TET2: variants seen among roughly 807,000 people sequenced by gnomAD.
TET2 encodes tet methylcytosine dioxygenase 2.
A neutral mutation model predicts 142.9 loss-of-function variants in TET2; 299 were observed. The observed-to-expected ratio is 2.09, with a 90% CI of 1.90 to 2.30. TET2 has a LOEUF of 2.30. Among genes scored for constraint, TET2 ranks in the 30% most tolerant of loss-of-function variants. The pLI, the probability that TET2 is intolerant of heterozygous loss-of-function variation, is 0.00. For missense variants in TET2, 2,418 were observed against 2,378.0 expected, an observed-to-expected ratio of 1.02 and a Z score of -0.35; for synonymous variants, 819 against 849.0, an observed-to-expected ratio of 0.96 and a Z score of 0.61.
chr4:105,258,460 G>A (rs1477353638), intron 6 of TET2, among the ~76,000 whole-genome samples: 1 of 152,112 alleles, frequency 6.6e-6, no homozygotes, highest in Non-Finnish European at 1.5e-5. Flanking sequence ...AAATTTCAGA[G>A]ATTTTGATGG....
rs192157044 is a variant in TET2 at position 105,173,918 on chromosome 4, A to G, written c.-192-16442A>G. Among the ~76,000 whole-genome samples, 21 of 152,316 alleles carry G rather than the reference A, an allele frequency of 1.4e-4. No individual in the cohort carries two copies. In the South Asian group the frequency reaches 1.7e-3, roughly 12 times the overall value. On this transcript the variant is annotated intron_variant, in intron 1 of 10. Transcript: ENST00000380013. ...ATAAAATATTGACTTAGGTAGATAT[A>G]TGTGAGGAAATATATATTTTACCCA...
intron 2 of TET2, 131 bp downstream of exon 2, chr4:105,190,636 T>G (rs1395620335): frequency 5.1e-6 from 3 of 589,222 alleles, no homozygotes; most frequent in Non-Finnish European, 9.0e-6. Context: ...TTATTGTCTA[T>G]GCTTAGGACA....
chr4:105,157,234 TGAAAA>T (rs1723612258), intron 1 of TET2, among the ~76,000 whole-genome samples: 1 of 151,798 alleles, frequency 6.6e-6, no homozygotes, highest in East Asian at 1.9e-4. Context: ...ATGTAACTGA[TGAAAA>T]GAAGAATACC....
intron 1 of TET2, among the ~76,000 whole-genome samples, chr4:105,187,903 A>G (rs917308180): frequency 6.6e-5 from 10 of 152,224 alleles, no homozygotes; most frequent in African/African-American, 2.4e-4. Flanking sequence ...ACACATTGCT[A>G]GTGGAATGTA....
At position 105,235,590 on chromosome 4, in the gene TET2, C is replaced by T. The variant is rs572712965; in HGVS notation, c.1648C>T (p.Arg550Ter). Residue 550 changes from arginine (R) to a stop codon, truncating the protein, a stop_gained, in exon 3 of 11, where the codon CGA becomes TGA. Transcript: ENST00000380013. LOFTEE classifies it high-confidence loss of function. ...ILKGRDKEQT[R>*]DLVPPTQHYL... ...GAAGGGTCGAGACAAGGAGCAAACA[C>T]GAGATCTTGTGCCCCCAACACAGCA... 28 of 1,614,086 alleles carry T rather than the reference C, an allele frequency of 1.7e-5. No homozygotes were observed. The highest frequency in any genetic ancestry group is 1.6e-4 in the Middle Eastern group (1 of 6,062).
chr4:105,240,993 T>C (rs1729265642), intron 3 of TET2: 1 of 1,087,366 alleles, frequency 9.2e-7, no homozygotes, highest in Non-Finnish European at 1.1e-6. Flanking sequence ...AAATGTTTTT[T>C]TTTTCCAGCT....
chr4:105,152,076 G>A lies in TET2; in HGVS notation c.-193+5097G>A, dbSNP rs569692718. ...GTGGATCACCTGACGTCAGGAATTC[G>A]AGACCAGTCTGGCCAACATGGTGAA... On this transcript the variant is annotated intron_variant, in intron 1 of 10. Transcript: ENST00000380013. Among the ~76,000 whole-genome samples the A allele has an allele frequency of 9.9e-5, 15 of 152,166 alleles. No homozygotes were observed. In the South Asian group the frequency reaches 2.7e-3, roughly 27 times the overall value.
At position 105,236,892 on chromosome 4, in the gene TET2, G is replaced by GA; in HGVS notation, c.2952dup (p.Pro985ThrfsTer24). 6.2e-7 allele frequency: 1 copy of GA among 1,614,092 alleles called. No homozygotes were observed. Among genetic ancestry groups the GA allele is most frequent in the Non-Finnish European group, 8.5e-7 (1 of 1,180,010 alleles). On this transcript the variant is annotated frameshift_variant, in exon 3 of 11. Transcript: ENST00000380013. LOFTEE classifies it high-confidence loss of function. ...TCAGATGCACAGGCCAATTAAGGTG[G>GA]AACCTGGATGCAAGCCACATGCCTG...
intron 1 of TET2, among the ~76,000 whole-genome samples, chr4:105,187,898 T>A (rs1725550081): frequency 6.6e-6 from 1 of 152,188 alleles, no homozygotes; most frequent in African/African-American, 2.4e-5. Context: ...CCCTGACACA[T>A]TGCTAGTGGA....
intron 1 of TET2, among the ~76,000 whole-genome samples, chr4:105,186,663 G>T (rs918941825): frequency 4.0e-5 from 6 of 151,708 alleles, no homozygotes; most frequent in African/African-American, 1.2e-4. Context: ...GTAGAGACGG[G>T]GTTTCATCAT....
intron 3 of TET2, chr4:105,239,732 ATT>A (rs1729187184): frequency 4.3e-6 from 1 of 230,632 alleles, no homozygotes; most frequent in African/African-American, 2.2e-5. Flanking sequence ...TCCTTCAAGA[ATT>A]TTTCCTTTAC....
intron 4 of TET2, chr4:105,242,359 C>T (rs935124178): frequency 1.2e-5 from 13 of 1,078,414 alleles, no homozygotes; most frequent in Non-Finnish European, 1.5e-5. Context: ...AGGACTATTC[C>T]ATATTTTCCA....
At chr4:105,248,584 T>A (rs1211490122) in intron 6 of TET2, among the ~76,000 whole-genome samples, 2 of 152,218 alleles carry the variant, frequency 1.3e-5, no homozygotes, top group African/African-American at 4.8e-5. Flanking sequence ...AAAATAAATA[T>A]ACCTTTTAGT....
intron 2 of TET2, among the ~76,000 whole-genome samples, chr4:105,212,498 T>C (rs1308820276): frequency 3.9e-5 from 6 of 152,188 alleles, no homozygotes; most frequent in Admixed American, 2.0e-4. Flanking sequence ...TTTGTGGGTA[T>C]ACACACATAT....
At chr4:105,249,092 A>G (rs893887757) in intron 6 of TET2, among the ~76,000 whole-genome samples, 2 of 151,312 alleles carry the variant, frequency 1.3e-5, no homozygotes, top group African/African-American at 4.9e-5. Flanking sequence ...CAATGGTGCA[A>G]CCTCAGCTCA....
chr4:105,232,178 T>G (rs1207701279), intron 2 of TET2, among the ~76,000 whole-genome samples: 1 of 152,210 alleles, frequency 6.6e-6, no homozygotes, highest in Non-Finnish European at 1.5e-5. Context: ...CCATCCATGT[T>G]GCTGCACAGA....
At chr4:105,174,462 T>C (rs116076427) in intron 1 of TET2, among the ~76,000 whole-genome samples, 3,826 of 152,296 alleles carry the variant, frequency 0.025, 62 homozygotes, top group Non-Finnish European at 0.041. Context: ...CGAATCTTCT[T>C]AGATCTGTCA....
At chr4:105,164,066 C>T (rs1384652446) in intron 1 of TET2, among the ~76,000 whole-genome samples, 3 of 152,164 alleles carry the variant, frequency 2.0e-5, no homozygotes, top group Admixed American at 6.5e-5. Flanking sequence ...TTAAGAGCTA[C>T]TCAAATGTAG....
In TET2 at chr4:105,237,117, T is replaced by A. The variant is rs2110237482; in HGVS notation, c.3175T>A (p.Ser1059Thr). The change falls in exon 3 of 11, where the codon TCA (serine) becomes ACA (threonine). Residue 1059 changes from serine (S) to threonine (T), a missense_variant. Physicochemically the swap from Ser to Thr is moderately conservative, Grantham distance 58 (BLOSUM62 1). Coordinates refer to ENST00000380013, the MANE Select transcript of TET2 (RefSeq NM_001127208.3). ...KSQKQVKVEM[S>T]GPVTVLTRQT... ...ACAGAAGCAAGTAAAAGTTGAAATG[T>A]CAGGGCCAGTCACAGTTTTGACTAG... 6.2e-7 allele frequency: 1 copy of A among 1,614,148 alleles called. No homozygotes were observed. The highest frequency in any genetic ancestry group is 1.1e-5 in the South Asian group (1 of 91,082).
Sources: allele counts gnomAD v4.1 joint callset (sites outside exome capture counted in the v4.1 genomes callset), GRCh38; gene constraint gnomAD v4.1.1; transcripts MANE v1.5; gene names NCBI Gene and HGNC (gene_info 2026-07-23, HGNC 2026-07-21).